The following PIP4K2A variants were observed in gnomAD, a reference collection of about 807,000 sequenced individuals.
PIP4K2A encodes phosphatidylinositol 5-phosphate 4-kinase type-2 alpha.
A neutral mutation model predicts 42.9 loss-of-function variants in PIP4K2A; 14 were observed. The ratio of observed to expected loss-of-function variants is 0.33; its 90% CI spans 0.22 to 0.51. The LOEUF is 0.51. PIP4K2A is among the 20% of genes least tolerant of loss of function. The pLI is 0.97. For synonymous variants in PIP4K2A, 192 were observed against 192.2 expected, an observed-to-expected ratio of 1.00 and a Z score of 0.01; for missense variants, 434 against 519.8, an observed-to-expected ratio of 0.83 and a Z score of 1.61.
intron 1 of PIP4K2A, among the ~76,000 whole-genome samples, chr10:22,673,976 A>T (rs557149285): frequency 4.6e-5 from 7 of 152,374 alleles, no homozygotes; most frequent in African/African-American, 9.6e-5. Flanking sequence ...CCAAATAAAA[A>T]GTCATTTTGC....
At chr10:22,569,810 T>C (rs1458729179) in intron 5 of PIP4K2A, among the ~76,000 whole-genome samples, 2 of 151,976 alleles carry the variant, frequency 1.3e-5, no homozygotes, top group African/African-American at 2.4e-5. Flanking sequence ...AAGTTTAAAT[T>C]AATTCACAAT....
chr10:22,706,533 C>A (rs534678257), intron 1 of PIP4K2A, among the ~76,000 whole-genome samples: 1 of 152,288 alleles, frequency 6.6e-6, no homozygotes, highest in South Asian at 2.1e-4. Flanking sequence ...CTATTTAATA[C>A]CTTCCACCCC....
At chr10:22,623,163 CT>C (rs199851848) in intron 1 of PIP4K2A, among the ~76,000 whole-genome samples, 167 of 150,802 alleles carry the variant, frequency 1.1e-3, no homozygotes, top group Non-Finnish European at 4.9e-4. Flanking sequence ...CTACCATTGA[CT>C]TTTTTTTTAA....
intron 1 of PIP4K2A, among the ~76,000 whole-genome samples, chr10:22,686,446 A>T (rs1269370105): frequency 3.9e-5 from 6 of 152,172 alleles, no homozygotes; most frequent in Non-Finnish European, 8.8e-5. Context: ...CAATAATTGA[A>T]GAAAGCAAGC....
chr10:22,696,536 T>C (rs1485860617), intron 1 of PIP4K2A, among the ~76,000 whole-genome samples: 2 of 152,190 alleles, frequency 1.3e-5, no homozygotes, highest in Admixed American at 1.3e-4. Flanking sequence ...TGTATTACTC[T>C]ATATGGAAGC....
intron 1 of PIP4K2A, among the ~76,000 whole-genome samples, chr10:22,687,252 T>C (rs1190743851): frequency 6.6e-6 from 1 of 152,078 alleles, no homozygotes; most frequent in African/African-American, 2.4e-5. Flanking sequence ...GGACATTATG[T>C]TAAGTGAAAT....
chr10:22,645,639 A>C (rs192439573), intron 1 of PIP4K2A, among the ~76,000 whole-genome samples: 1 of 151,382 alleles, frequency 6.6e-6, no homozygotes, highest in Non-Finnish European at 1.5e-5. Context: ...AAACTTTGTT[A>C]AAGTAACAAG....
chr10:22,713,973 T>C (rs544690134), intron 1 of PIP4K2A: 1 of 502,932 alleles, frequency 2.0e-6, no homozygotes, highest in Non-Finnish European at 3.5e-6. Context: ...GGGCCATAGA[T>C]CTAAAGGGGA....
At chr10:22,617,906 A>G (rs1342913462) in intron 1 of PIP4K2A, among the ~76,000 whole-genome samples, 1 of 152,220 alleles carries the variant, frequency 6.6e-6, no homozygotes, top group African/African-American at 2.4e-5. Context: ...ATGAGGGCCT[A>G]TTTTAAAACA....
At chr10:22,644,509 T>C (rs770054971) in intron 1 of PIP4K2A, among the ~76,000 whole-genome samples, 1 of 152,202 alleles carries the variant, frequency 6.6e-6, no homozygotes, top group Non-Finnish European at 1.5e-5. Context: ...GGTTTGCCCA[T>C]GGCTAGTCCG....
At chr10:22,585,891 C>T (rs79094029) in intron 4 of PIP4K2A, among the ~76,000 whole-genome samples, 9,641 of 152,144 alleles carry the variant, frequency 0.063, 413 homozygotes, top group Middle Eastern at 0.15. Context: ...CCACTGTGTC[C>T]AGTCAATACT....
rs1264987786 is a variant in PIP4K2A at position 22,633,409 on chromosome 10, G to A, written c.145-23692C>T. ...ACACTCACTTTCTGTAAGTCTATGC[G>A]ATCCTCTGCTCTTTTTATTTTACCC... is the stretch of plus-strand genomic sequence containing the variant. On this transcript the variant is annotated intron_variant, in intron 1 of 9. Coordinates refer to ENST00000376573, the MANE Select transcript of PIP4K2A (RefSeq NM_005028.5). 2.6e-5 allele frequency among the ~76,000 whole-genome samples: 4 copies of A among 152,126 alleles called. No homozygotes were observed. In the South Asian group the frequency reaches 8.3e-4, roughly 31 times the overall value.
intron 7 of PIP4K2A, among the ~76,000 whole-genome samples, chr10:22,545,115 A>T (rs941879704): frequency 6.6e-6 from 1 of 152,204 alleles, no homozygotes; most frequent in Non-Finnish European, 1.5e-5. Flanking sequence ...CACTTGTTGG[A>T]CAAGTGAATG....
At chr10:22,697,037 A>T (rs1839985352) in intron 1 of PIP4K2A, among the ~76,000 whole-genome samples, 1 of 152,138 alleles carries the variant, frequency 6.6e-6, no homozygotes, top group Admixed American at 6.5e-5. Flanking sequence ...GTTTATCTAG[A>T]TGGCTACAGT....
intron 1 of PIP4K2A, among the ~76,000 whole-genome samples, chr10:22,631,794 T>C (rs1247836676): frequency 6.6e-6 from 1 of 152,240 alleles, no homozygotes; most frequent in African/African-American, 2.4e-5. Flanking sequence ...AGCAAAAGTA[T>C]GCTGAGAAAC....
At chr10:22,595,837 A>T (rs1346097064) in intron 3 of PIP4K2A, among the ~76,000 whole-genome samples, 2 of 152,114 alleles carry the variant, frequency 1.3e-5, no homozygotes, top group African/African-American at 4.8e-5. Context: ...CGGGTCTATG[A>T]AGTGATGGAA....
chr10:22,605,078 C>A (rs1187411749), intron 3 of PIP4K2A, among the ~76,000 whole-genome samples: 2 of 152,180 alleles, frequency 1.3e-5, no homozygotes, highest in Non-Finnish European at 2.9e-5. Context: ...GGGTCCCTGA[C>A]CCTACTGAAG....
intron 4 of PIP4K2A, among the ~76,000 whole-genome samples, chr10:22,586,020 T>C (rs951832466): frequency 6.6e-6 from 1 of 152,164 alleles, no homozygotes; most frequent in Non-Finnish European, 1.5e-5. Flanking sequence ...AGTAGGCAAA[T>C]AGGTTTTTTA....
chr10:22,619,522 C>T (rs757682214), intron 1 of PIP4K2A, among the ~76,000 whole-genome samples: 1 of 151,394 alleles, frequency 6.6e-6, no homozygotes, highest in Non-Finnish European at 1.5e-5. Context: ...CTGTAACCAC[C>T]GCCTCCTGGG....
Sources: gnomAD v4.1 joint callset for allele counts (sites outside exome capture counted in the v4.1 genomes callset) on GRCh38, gnomAD v4.1.1 for gene constraint, MANE v1.5 for transcripts, NCBI Gene and HGNC (gene_info 2026-07-23, HGNC 2026-07-21) for gene names.